Variants in KPNB1 observed in about 807,000 individuals in gnomAD.
The protein encoded by KPNB1 is karyopherin subunit beta 1, also known as importin subunit beta-1.
In KPNB1, 7 loss-of-function variants were observed where a neutral mutation model predicts 113.0. That is an observed-to-expected ratio of 0.06 (90% CI 0.04 to 0.12). KPNB1 has a LOEUF of 0.12. KPNB1 is among the 10% of genes least tolerant of loss of function. KPNB1 has a pLI of 1.00. For missense variants in KPNB1, 400 were observed against 1,054.8 expected (o/e 0.38, Z 8.60); for synonymous variants, 363 against 378.6 (o/e 0.96, Z 0.48).
intron 2 of KPNB1, among the ~76,000 whole-genome samples, chr17:47,652,033 C>A (rs912334015): frequency 1.3e-5 from 2 of 152,140 alleles, no homozygotes; most frequent in Admixed American, 1.3e-4. Context: ...AATATCTTAT[C>A]ACTTTTCCTT....
intron 16 of KPNB1, 82 bp from the exon 17 acceptor site, chr17:47,676,938 G>T (rs1265959226): frequency 3.9e-6 from 4 of 1,034,516 alleles, no homozygotes; most frequent in Non-Finnish European, 5.9e-6. Flanking sequence ...AGTGATAAAA[G>T]CTCAGCAGCT....
rs889708679 is a variant in KPNB1 at position 47,672,922 on chromosome 17, C to G, written c.1548-96C>G. ...AACTCAAACCAGGTCTGCAGACATA[C>G]CGGTTCCTGAGTTCTTATTTTTGGC... On this transcript the variant is annotated intron_variant, in intron 12 of 21. Transcript: ENST00000290158. 6 of 1,163,710 alleles carry G rather than the reference C, an allele frequency of 5.2e-6. No individual in the cohort carries two copies. In the African/African-American group the frequency reaches 9.4e-5, roughly 18 times the overall value. 72.1% of individuals were successfully genotyped at this position (1,163,710 alleles called of 1,614,324 possible). A position where few individuals can be genotyped will look rare whatever the true frequency, so the allele number is the denominator to read the frequency against.
rs764353362 is a variant in KPNB1 at position 47,668,353 on chromosome 17, T to G, written c.1167T>G (p.Ala389=). The G allele has an allele frequency of 1.2e-6, 2 of 1,614,208 alleles. No homozygotes were observed. Among genetic ancestry groups the G allele is most frequent in the Non-Finnish European group, 1.7e-6 (2 of 1,180,028 alleles). ...GGTACCGGGATGCAGCAGTGATGGC[T>G]TTTGGTTGTATCTTGGAAGGACCAG... The part of the protein sequence containing the change: ...DWRYRDAAVM[A]FGCILEGPEP... Residue 389 remains alanine, a synonymous_variant, in exon 10 of 22, where the codon GCT becomes GCG. Coordinates refer to ENST00000290158, the MANE Select transcript of KPNB1 (RefSeq NM_002265.6).
Position 47,680,488 on chromosome 17 carries a change from G to A in KPNB1, c.2469-20G>A, listed in dbSNP as rs201582084. 5.6e-6 allele frequency: 9 copies of A among 1,613,514 alleles called. No homozygotes were observed. The highest frequency in any genetic ancestry group is 1.7e-4 in the Middle Eastern group (1 of 5,932). ...GTATGGGGCTAGGAGCTCATTCTCAGCTGTGTTTGTTTTGCACAGGGACTT... is the reference window on the plus strand; with the variant it reads ...GTATGGGGCTAGGAGCTCATTCTCAACTGTGTTTGTTTTGCACAGGGACTT... On this transcript the variant is annotated intron_variant, in intron 20 of 21. Transcript: ENST00000290158.
intron 3 of KPNB1, among the ~76,000 whole-genome samples, chr17:47,656,385 A>G (rs1467861208): frequency 6.6e-6 from 1 of 152,164 alleles, no homozygotes; most frequent in Non-Finnish European, 1.5e-5. Context: ...ATCTCTACTA[A>G]AAACCCAAAA....
chr17:47,665,867 C>T (rs950859289), intron 9 of KPNB1, among the ~76,000 whole-genome samples: 2 of 152,130 alleles, frequency 1.3e-5, no homozygotes, highest in African/African-American at 2.4e-5. Context: ...AGTACTCTGA[C>T]GAAACAATGT....
In KPNB1 at chr17:47,652,688, T is replaced by A; in HGVS notation, c.100-6T>A. On this transcript the variant is annotated splice_polypyrimidine_tract_variant and splice_region_variant and intron_variant, in intron 2 of 21. Transcript: ENST00000290158. ...TTTTATTTACAAATTTATCTTCCCTTAACAGCCCACTTTCCTTGTGGAACT... is the reference window on the plus strand; with the variant it reads ...TTTTATTTACAAATTTATCTTCCCTAAACAGCCCACTTTCCTTGTGGAACT... The A allele has an allele frequency of 1.9e-6, 3 of 1,560,978 alleles. No homozygotes were observed. Among genetic ancestry groups the A allele is most frequent in the Non-Finnish European group, 2.6e-6 (3 of 1,159,818 alleles).
chr17:47,655,378 A>G (rs1366108533), intron 3 of KPNB1, among the ~76,000 whole-genome samples: 1 of 152,222 alleles, frequency 6.6e-6, no homozygotes, highest in Admixed American at 6.6e-5. Context: ...AGATTTTGGT[A>G]TCTGTCAGTG....
In KPNB1 at chr17:47,649,969, C is replaced by T. The variant is rs1211256774; in HGVS notation, c.-276C>T. Reference sequence around the variant, plus strand: ...CACAGCCTCCCTTCCTTCTTTCTCCCTCCGCCTCCCGAGCACCAGCGCGCT... The same window carrying T: ...CACAGCCTCCCTTCCTTCTTTCTCCTTCCGCCTCCCGAGCACCAGCGCGCT... On this transcript the variant is annotated 5_prime_UTR_variant, in exon 1 of 22. Transcript: ENST00000290158. 8.3e-6 allele frequency: 11 copies of T among 1,326,038 alleles called. No individual in the cohort carries two copies. Among genetic ancestry groups the T allele is most frequent in the South Asian group, 4.1e-5 (2 of 48,284 alleles). 82.1% of individuals were successfully genotyped at this position (1,326,038 alleles called of 1,614,324 possible). A position where few individuals can be genotyped will look rare whatever the true frequency, so the allele number is the denominator to read the frequency against.
intron 9 of KPNB1, 49 bp downstream of exon 9, chr17:47,665,207 G>A: frequency 7.0e-7 from 1 of 1,435,302 alleles, no homozygotes; most frequent in Non-Finnish European, 9.8e-7. Context: ...ACCTTACTAA[G>A]AGTAAACTGT....
intron 9 of KPNB1, 28 bp from the exon 10 acceptor site, chr17:47,668,158 C>CT: frequency 1.3e-6 from 2 of 1,585,434 alleles, no homozygotes; most frequent in Non-Finnish European, 1.7e-6. Flanking sequence ...TGGACAAAAT[C>CT]TTAACTAGTG....
chr17:47,675,361 G>GTTGTTTT (rs1567894260), intron 15 of KPNB1, among the ~76,000 whole-genome samples: 2 of 88,690 alleles, frequency 2.3e-5, no homozygotes, highest in African/African-American at 9.3e-5. Flanking sequence ...CAGAGGTGTT[G>GTTGTTTT]TTTTTTTTTT....
chr17:47,668,158 CTT>C, intron 9 of KPNB1, 26 bp from the exon 10 acceptor site: 1 of 1,585,434 alleles, frequency 6.3e-7, no homozygotes, highest in Non-Finnish European at 8.7e-7. Context: ...TGGACAAAAT[CTT>C]AACTAGTGCC....
Position 47,670,743 on chromosome 17 carries a change from C to A in KPNB1, c.1458C>A (p.Asp486Glu). Residue 486 changes from aspartate (D) to glutamate (E), a missense_variant, in exon 12 of 22, where the codon GAC becomes GAA. Asp to Glu is a conservative substitution (Grantham distance 45, BLOSUM62 2). Around this residue, in one of 2 missense-constraint regions of KPNB1, gnomAD observed 285 missense variants for 627.0 expected, o/e 0.45. Transcript: ENST00000290158. The part of the protein sequence containing the change: ...SLAEAAYEAA[D>E]VADDQEEPAT... ...CTGAAGCTGCTTATGAAGCTGCAGA[C>A]GTTGCTGATGATCAGGAAGAACCAG... 1 of 1,613,248 alleles carries A rather than the reference C, an allele frequency of 6.2e-7. No individual in the cohort carries two copies. The highest frequency in any genetic ancestry group is 8.5e-7 in the Non-Finnish European group (1 of 1,179,260).
chr17:47,651,816 G>A (rs180714487), intron 2 of KPNB1, among the ~76,000 whole-genome samples: 1 of 152,316 alleles, frequency 6.6e-6, no homozygotes, highest in Admixed American at 6.5e-5. Flanking sequence ...AGGTGTGTGT[G>A]TGCTAAATTT....
intron 3 of KPNB1, among the ~76,000 whole-genome samples, chr17:47,653,637 C>T (rs753342995): frequency 1.3e-5 from 2 of 152,232 alleles, no homozygotes; most frequent in African/African-American, 2.4e-5. Flanking sequence ...ATCATTTTGT[C>T]CTTGGTATTT....
intron 3 of KPNB1, among the ~76,000 whole-genome samples, chr17:47,653,481 A>G (rs766983823): frequency 2.2e-4 from 34 of 152,052 alleles, no homozygotes; most frequent in Non-Finnish European, 4.1e-4. Flanking sequence ...ACCTCAGGTG[A>G]TCTGCCTGCC....
chr17:47,663,565 G>T (rs1294395286), intron 7 of KPNB1, among the ~76,000 whole-genome samples: 2 of 152,194 alleles, frequency 1.3e-5, no homozygotes, highest in Non-Finnish European at 2.9e-5. Context: ...TCTGGAGGCT[G>T]AGGCTGGAGA....
intron 21 of KPNB1, 41 bp from the exon 22 acceptor site, chr17:47,682,363 T>C: frequency 2.6e-6 from 2 of 781,032 alleles, no homozygotes; most frequent in Non-Finnish European, 4.8e-6. Context: ...GTTGGGTATA[T>C]GTGATCTCAA....
Sources: allele counts gnomAD v4.1 joint callset (sites outside exome capture counted in the v4.1 genomes callset), GRCh38; gene constraint gnomAD v4.1.1; regional missense constraint gnomAD v4.1.1; transcripts MANE v1.5; gene names NCBI Gene and HGNC (gene_info 2026-07-23, HGNC 2026-07-21).